The following GARRE1 variants were observed in gnomAD, a reference collection of about 807,000 sequenced individuals.
GARRE1 encodes the protein granule associated Rac and RHOG effector protein 1.
Under a neutral mutation model 103.2 loss-of-function variants are expected in GARRE1, and 49 were observed. That is an observed-to-expected ratio of 0.47 (90% CI 0.38 to 0.60). GARRE1 has a LOEUF of 0.60. Among genes scored for constraint, GARRE1 ranks in the 20% least tolerant of loss-of-function variants. The pLI is 0.00. For synonymous variants in GARRE1, 505 were observed against 532.8 expected, an observed-to-expected ratio of 0.95 and a Z score of 0.72; for missense variants, 1,199 against 1,370.5, an observed-to-expected ratio of 0.87 and a Z score of 1.98.
rs2074117313 is a variant in GARRE1 at position 34,327,525 on chromosome 19, A to G, written c.810A>G (p.Leu270=). 3 of 1,614,120 alleles carry G rather than the reference A, an allele frequency of 1.9e-6. No homozygotes were observed. The highest frequency in any genetic ancestry group is 2.5e-6 in the Non-Finnish European group (3 of 1,180,026). ...GTGCAGCAATTCCTGAGCACCAGCT[A>G]AAAGAACTGAACATAAAAATCGACA... is the stretch of plus-strand genomic sequence containing the variant. The part of the protein sequence containing the change: ...SQSAAIPEHQ[L]KELNIKIDSA... The change falls in exon 4 of 14, where the codon CTA becomes CTG. Residue 270 remains leucine (L), a synonymous_variant. Transcript: ENST00000299505.
At chr19:34,309,085 AAAAC>A (rs1568538651) in intron 2 of GARRE1, among the ~76,000 whole-genome samples, 1 of 151,958 alleles carries the variant, frequency 6.6e-6, no homozygotes, top group African/African-American at 2.4e-5. Flanking sequence ...TTTAAAAAAA[AAAAC>A]AAACCCTGAA....
At chr19:34,306,924 GTAGT>G (rs1189760987) in intron 2 of GARRE1, among the ~76,000 whole-genome samples, 8 of 151,866 alleles carry the variant, frequency 5.3e-5, no homozygotes, top group Non-Finnish European at 1.2e-4. Flanking sequence ...CTTAGAGAAG[GTAGT>G]TAGAAAAGGT....
intron 8 of GARRE1, 138 bp downstream of exon 8, chr19:34,333,939 C>A: frequency 1.5e-6 from 1 of 664,868 alleles, no homozygotes; most frequent in Non-Finnish European, 2.7e-6. Flanking sequence ...TTATGGGCAG[C>A]AGTGGTATGT....
intron 1 of GARRE1, among the ~76,000 whole-genome samples, chr19:34,268,983 T>C (rs529522601): frequency 1.2e-4 from 19 of 152,342 alleles, no homozygotes; most frequent in African/African-American, 4.3e-4. Flanking sequence ...GCCTGTTCTT[T>C]ATCTATATTA....
At chr19:34,312,429 C>G (rs1477427658) in intron 2 of GARRE1, among the ~76,000 whole-genome samples, 3 of 152,186 alleles carry the variant, frequency 2.0e-5, no homozygotes, top group Non-Finnish European at 2.9e-5. Context: ...AAACTCTGTA[C>G]CTGCTCAACA....
chr19:34,346,565 C>G (rs550960383), intron 10 of GARRE1, among the ~76,000 whole-genome samples: 1 of 152,278 alleles, frequency 6.6e-6, no homozygotes, highest in East Asian at 1.9e-4. Flanking sequence ...AAGTCATCAT[C>G]TGATTTTCGA....
At chr19:34,311,107 C>T (rs1256905988) in intron 2 of GARRE1, among the ~76,000 whole-genome samples, 1 of 152,146 alleles carries the variant, frequency 6.6e-6, no homozygotes, top group Non-Finnish European at 1.5e-5. Flanking sequence ...ATCCTCCTGT[C>T]TCAGCTTCCC....
intron 2 of GARRE1, among the ~76,000 whole-genome samples, chr19:34,308,966 T>G (rs969756410): frequency 2.6e-5 from 4 of 152,078 alleles, no homozygotes; most frequent in South Asian, 2.1e-4. Context: ...CAAATCTCAT[T>G]GATCAGCCTT....
intron 10 of GARRE1, among the ~76,000 whole-genome samples, chr19:34,345,649 G>A (rs554557839): frequency 3.9e-5 from 6 of 152,086 alleles, no homozygotes; most frequent in African/African-American, 1.4e-4. Flanking sequence ...GCGAAACCCC[G>A]TCTCTACCAA....
intron 1 of GARRE1, among the ~76,000 whole-genome samples, chr19:34,270,513 A>G (rs752764220): frequency 2.0e-5 from 3 of 152,036 alleles, no homozygotes; most frequent in Non-Finnish European, 4.4e-5. Context: ...AGGGAGGTGG[A>G]TTCTGGTTAC....
rs1012395527 is a variant in GARRE1, at chr19:34,355,097, T to C, written c.*2142T>C. On this transcript the variant is annotated 3_prime_UTR_variant, in exon 14 of 14. Coordinates refer to ENST00000299505, the MANE Select transcript of GARRE1 (RefSeq NM_014686.5). ...ACAGTACCCTGTATTTCGAGTTCCATTATACTGAAGTACTCATGTTTTAAT... is the reference window on the plus strand; with the variant it reads ...ACAGTACCCTGTATTTCGAGTTCCACTATACTGAAGTACTCATGTTTTAAT... 1 of 152,682 alleles carries C rather than the reference T, an allele frequency of 6.5e-6. No individual in the cohort carries two copies. Among genetic ancestry groups the C allele is most frequent in the Non-Finnish European group, 1.5e-5 (1 of 68,046 alleles). The allele number at this position is 152,682 out of a possible 1,614,324, so 9.5% of individuals were successfully genotyped here.
chr19:34,318,852 G>A (rs763181694), intron 2 of GARRE1, among the ~76,000 whole-genome samples: 8 of 152,044 alleles, frequency 5.3e-5, no homozygotes, highest in Non-Finnish European at 8.8e-5. Context: ...GACCAGCCTG[G>A]CCAACATGGT....
At chr19:34,294,088 T>C (rs890704366) in intron 1 of GARRE1, among the ~76,000 whole-genome samples, 2 of 151,966 alleles carry the variant, frequency 1.3e-5, no homozygotes, top group Non-Finnish European at 1.5e-5. Context: ...ATAAATTATG[T>C]GCTTCTAAAT....
chr19:34,317,674 T>C (rs761856209), intron 2 of GARRE1, among the ~76,000 whole-genome samples: 56 of 152,356 alleles, frequency 3.7e-4, no homozygotes, highest in Admixed American at 3.3e-4. Flanking sequence ...GTCAGGTGAC[T>C]GGTCCACCAC....
chr19:34,320,405 A>T (rs1174394444), intron 3 of GARRE1, among the ~76,000 whole-genome samples: 1 of 152,204 alleles, frequency 6.6e-6, no homozygotes, highest in Non-Finnish European at 1.5e-5. Context: ...AGCCAGAGGA[A>T]GGGAGGGCCC....
intron 2 of GARRE1, among the ~76,000 whole-genome samples, chr19:34,308,517 G>C (rs2074022355): frequency 6.6e-6 from 1 of 152,202 alleles, no homozygotes; most frequent in East Asian, 1.9e-4. Context: ...ACTTTAGCCT[G>C]TAGAGGAAGC....
intron 2 of GARRE1, among the ~76,000 whole-genome samples, chr19:34,305,846 T>C (rs911999123): frequency 3.3e-5 from 5 of 152,234 alleles, no homozygotes; most frequent in Non-Finnish European, 7.3e-5. Context: ...AATACTACCA[T>C]GTTTTTTTGT....
intron 1 of GARRE1, among the ~76,000 whole-genome samples, chr19:34,256,330 G>A (rs1185256145): frequency 1.3e-5 from 2 of 151,362 alleles, no homozygotes; most frequent in South Asian, 2.1e-4. Flanking sequence ...TGGCCAACGT[G>A]GTGAAACCCG....
chr19:34,301,902 C>T (rs897664265), intron 2 of GARRE1, among the ~76,000 whole-genome samples: 4 of 147,728 alleles, frequency 2.7e-5, no homozygotes, highest in South Asian at 2.1e-4. Flanking sequence ...CCAGGATGGT[C>T]TCGATCTCCT....
Sources: gnomAD v4.1 joint callset for allele counts (sites outside exome capture counted in the v4.1 genomes callset) on GRCh38, gnomAD v4.1.1 for gene constraint, MANE v1.5 for transcripts, NCBI Gene and HGNC (gene_info 2026-07-23, HGNC 2026-07-21) for gene names.